The following RNF213 variants were observed in gnomAD, a reference collection of about 807,000 sequenced individuals.
RNF213 encodes ring finger protein 213, also known as E3 ubiquitin-protein ligase RNF213.
RNF213 carries 341 observed loss-of-function variants against 514.4 expected under a neutral mutation model. That is an observed-to-expected ratio of 0.66 (90% CI 0.61 to 0.73). RNF213 has a LOEUF of 0.73. RNF213 is among the 30% of genes least tolerant of loss of function. The pLI is 0.00. For synonymous variants in RNF213, 2,655 were observed against 2,658.2 expected (o/e 1.00, Z 0.04); for missense variants, 5,767 against 6,615.6 (o/e 0.87, Z 4.45).
rs2044543612 is a variant in RNF213 at position 80,288,106 on chromosome 17, G to A, written c.553G>A (p.Ala185Thr). The A allele has an allele frequency of 1.2e-6, 2 of 1,607,800 alleles. No individual in the cohort carries two copies. The highest frequency in any genetic ancestry group is 1.7e-5 in the Admixed American group (1 of 59,758). Residue 185 changes from alanine (A) to threonine (T), a missense_variant, in exon 4 of 68, where the codon GCC (alanine) becomes ACC (threonine). Physicochemically the swap from Ala to Thr is moderately conservative, Grantham distance 58. Coordinates refer to ENST00000582970, the MANE Select transcript of RNF213 (RefSeq NM_001256071.3). The surrounding 1 kb of genome is among the most constrained non-coding windows in gnomAD (Gnocchi z 4.9). ...CCAGGCTTTGGGAGAGGCAGGAGTG[G>A]CCACAGGAAGTGAGGCTCAGAGCAG... ...QAQALGEAGV[A>T]TGSEAQSSPQ...
At chr17:80,374,336 A>T (rs2079653296) in intron 49 of RNF213, 122 bp from the exon 50 acceptor site, 1 of 1,300,448 alleles carries the variant, frequency 7.7e-7, no homozygotes, top group African/African-American at 1.5e-5. Context: ...CAGGTCAGGG[A>T]ATCCCAGCTT....
Position 80,346,001 on chromosome 17 carries a change from C to T in RNF213, c.7666C>T (p.Leu2556=). 6.2e-7 allele frequency: 1 copy of T among 1,614,198 alleles called. No individual in the cohort carries two copies. The highest frequency in any genetic ancestry group is 8.5e-7 in the Non-Finnish European group (1 of 1,180,042). ...RVSMEETADR[L]GSIPLRQLVY... is the part of the protein sequence containing the mutation. ...TAGTATGGAGGAGACGGCCGACAGG[C>T]TGGGCTCCATTCCTCTGAGGCAGCT... The change falls in exon 29 of 68, where the codon CTG becomes TTG. Residue 2556 remains leucine, a synonymous_variant. Transcript: ENST00000582970. This position sits in a 1 kb window ranked among gnomAD's most constrained non-coding sequence, Gnocchi z 8.1.
chr17:80,377,154 T>G lies in RNF213; in HGVS notation c.13510+191T>G. On this transcript the variant is annotated intron_variant, in intron 53 of 67. Coordinates refer to ENST00000582970, the MANE Select transcript of RNF213 (RefSeq NM_001256071.3). The surrounding 1 kb of genome is among the most constrained non-coding windows in gnomAD (Gnocchi z 4.1). The stretch of plus-strand genomic sequence containing the variant: ...AGCTGGCACTCCGCCGGCTAGATGA[T>G]CCAAACCATTTCATTTCTTTGTCGT... The G allele has an allele frequency of 1.6e-6, 1 of 615,812 alleles. No homozygotes were observed. The highest frequency in any genetic ancestry group is 1.8e-5 in the South Asian group (1 of 54,560). The allele number at this position is 615,812 out of a possible 1,614,324, so 38.1% of individuals were successfully genotyped here.
At chr17:80,334,838 G>A (rs8076097) in intron 22 of RNF213, among the ~76,000 whole-genome samples, 13,063 of 151,694 alleles carry the variant, frequency 0.086, 1,018 homozygotes, top group African/African-American at 0.21. Context: ...GTGTTAGCCA[G>A]GATGGTCTCG....
Position 80,284,155 on chromosome 17 carries a change from A to G in RNF213, c.262-3660A>G, listed in dbSNP as rs1181725097. On this transcript the variant is annotated intron_variant, in intron 3 of 67. Coordinates refer to ENST00000582970, the MANE Select transcript of RNF213 (RefSeq NM_001256071.3). The stretch of plus-strand genomic sequence containing the variant: ...CGGGTGGATCACCTGAGGTCAGTTC[A>G]AGACCAGCCTGGCCAACATGGTGAA... Among the ~76,000 whole-genome samples, 5 of 152,094 alleles carry G rather than the reference A, an allele frequency of 3.3e-5. No individual in the cohort carries two copies. In the East Asian group the frequency reaches 9.7e-4, roughly 29 times the overall value.
chr17:80,343,243 G>C lies in RNF213; in HGVS notation c.6101G>C (p.Arg2034Pro), dbSNP rs918889499. 2 of 1,613,836 alleles carry C rather than the reference G, an allele frequency of 1.2e-6. No individual in the cohort carries two copies. The highest frequency in any genetic ancestry group is 1.7e-6 in the Non-Finnish European group (2 of 1,179,924). ...RLIDPQVDES[R>P]VLGALLPFLD... is the part of the protein sequence containing the mutation. ...ATCGACCCTCAGGTGGATGAGAGCC[G>C]AGTCCTGGGCGCCCTGCTGCCCTTC... The change falls in exon 27 of 68, where the codon CGA becomes CCA. Residue 2034 changes from arginine (R) to proline (P), a missense_variant. Physicochemically the swap from Arg to Pro is moderately radical, Grantham distance 103. Transcript: ENST00000582970. This position sits in a 1 kb window ranked among gnomAD's most constrained non-coding sequence, Gnocchi z 4.3.
intron 3 of RNF213, among the ~76,000 whole-genome samples, chr17:80,277,118 G>A (rs2044091044): frequency 6.6e-6 from 1 of 151,860 alleles, no homozygotes; most frequent in African/African-American, 2.4e-5. Flanking sequence ...CTGTGCTGTA[G>A]CCTGGATGGA....
intron 36 of RNF213, among the ~76,000 whole-genome samples, chr17:80,357,656 T>C (rs1416225088): frequency 6.6e-6 from 1 of 152,190 alleles, no homozygotes; most frequent in Non-Finnish European, 1.5e-5. Context: ...AATAGTTACA[T>C]ACAAAAATTA....
chr17:80,309,746 TTTTTTTG>T lies in RNF213; in HGVS notation c.2655+596_2655+602del, dbSNP rs571689016. 6.2e-3 allele frequency among the ~76,000 whole-genome samples: 938 copies of T among 152,056 alleles called. 12 individuals are homozygous for T. The highest frequency in any genetic ancestry group is 0.02 in the African/African-American group (814 of 41,452). On this transcript the variant is annotated intron_variant, in intron 14 of 67. Transcript: ENST00000582970. ...TGTGACTTCTCCCATGGATCAGTTT[TTTTTTTG>T]TTTTTTGTTTTTTGTTTTTTAAGAC... is the stretch of plus-strand genomic sequence containing the variant.
At chr17:80,327,655 A>G (rs1276683058) in intron 18 of RNF213, among the ~76,000 whole-genome samples, 161 bp from the exon 19 acceptor site, 2 of 152,196 alleles carry the variant, frequency 1.3e-5, no homozygotes, top group Non-Finnish European at 2.9e-5. Flanking sequence ...GGAAAGCAGA[A>G]GGGAGTGGAA....
In RNF213 at chr17:80,398,584, C is replaced by G. The variant is rs959987165; in HGVS notation, c.*5086C>G. Reference sequence around the variant, plus strand: ...GTTCCCGTACACAGACACTTGGTTACAGCTGGTTTTAGACTCCCCACCCGC... The same window carrying G: ...GTTCCCGTACACAGACACTTGGTTAGAGCTGGTTTTAGACTCCCCACCCGC... On this transcript the variant is annotated 3_prime_UTR_variant, in exon 68 of 68. Coordinates refer to ENST00000582970, the MANE Select transcript of RNF213 (RefSeq NM_001256071.3). 1.3e-4 allele frequency: 20 copies of G among 152,082 alleles called. No homozygotes were observed. Among genetic ancestry groups the G allele is most frequent in the African/African-American group, 4.6e-4 (19 of 41,376 alleles). The allele number at this position is 152,082 out of a possible 1,614,324, so 9.4% of individuals were successfully genotyped here.
intron 20 of RNF213, 127 bp downstream of exon 20, chr17:80,328,604 G>T: frequency 2.3e-6 from 2 of 870,540 alleles, no homozygotes; most frequent in Non-Finnish European, 3.3e-6. Flanking sequence ...TTTTTAATTT[G>T]CATTTGCTGG....
intron 14 of RNF213, among the ~76,000 whole-genome samples, 200 bp from the exon 15 acceptor site, chr17:80,312,812 G>C (rs1014970420): frequency 6.6e-6 from 1 of 152,166 alleles, no homozygotes. Flanking sequence ...TATCTCCCAC[G>C]TTCAGGGTGA....
At chr17:80,310,712 C>T (rs2045542130) in intron 14 of RNF213, among the ~76,000 whole-genome samples, 1 of 152,132 alleles carries the variant, frequency 6.6e-6, no homozygotes, top group African/African-American at 2.4e-5. Flanking sequence ...GCCACTAAAC[C>T]CAGCTAATTC....
At chr17:80,334,990 C>T (rs1482480144) in intron 22 of RNF213, among the ~76,000 whole-genome samples, 16 of 149,374 alleles carry the variant, frequency 1.1e-4, no homozygotes, top group Non-Finnish European at 1.9e-4. Context: ...GGTGCAATCT[C>T]GGCTCACTGC....
rs1442356896 is a variant in RNF213 at position 80,373,085 on chromosome 17, G to A, written c.12862G>A (p.Gly4288Arg). The change falls in exon 49 of 68, where the codon GGG (glycine) becomes AGG (arginine). Residue 4288 changes from glycine (G) to arginine (R), a missense_variant. Transcript: ENST00000582970. Reference sequence around the variant, plus strand: ...GGTGCGGAAGCTCAGCAGCCAGCGGGGGATGGAGTTCGTGCAGGGCCTCTC... The same window carrying A: ...GGTGCGGAAGCTCAGCAGCCAGCGGAGGATGGAGTTCGTGCAGGGCCTCTC... ...YLVRKLSSQR[G>R]MEFVQGLSKP... 1.6e-5 allele frequency: 26 copies of A among 1,613,820 alleles called. No homozygotes were observed. Among genetic ancestry groups the A allele is most frequent in the Non-Finnish European group, 2.2e-5 (26 of 1,180,020 alleles).
rs75818622 is a variant in RNF213 at position 80,344,037 on chromosome 17, C to T, written c.6342+22C>T. Reference sequence around the variant, plus strand: ...GCTGGTCTGTACTGTGGGGCGTTTTCGCCTGGCGTGGGGGGCTCTTGGGTT... The same window carrying T: ...GCTGGTCTGTACTGTGGGGCGTTTTTGCCTGGCGTGGGGGGCTCTTGGGTT... On this transcript the variant is annotated intron_variant, in intron 28 of 67. Coordinates refer to ENST00000582970, the MANE Select transcript of RNF213 (RefSeq NM_001256071.3). 1,941 of 1,608,742 alleles carry T rather than the reference C, an allele frequency of 1.2e-3. 23 individuals carry two copies. In the African/African-American group the frequency reaches 0.023, roughly 19 times the overall value.
chr17:80,312,289 A>G (rs1330131911), intron 14 of RNF213, among the ~76,000 whole-genome samples: 1 of 152,122 alleles, frequency 6.6e-6, no homozygotes, highest in East Asian at 1.9e-4. Flanking sequence ...AGGGAGGAAG[A>G]GGAAGGCAGG....
Position 80,346,067 on chromosome 17 carries a change from C to G in RNF213, c.7732C>G (p.Leu2578Val), listed in dbSNP as rs756192421. 20 of 1,614,078 alleles carry G rather than the reference C, an allele frequency of 1.2e-5. No homozygotes were observed. Among genetic ancestry groups the G allele is most frequent in the East Asian group, 2.2e-5 (1 of 44,894 alleles). The stretch of plus-strand genomic sequence containing the variant: ...TGCTCTGCCCCCGAGCCTGATTCCT[C>G]TGGTGTGGGACTTTGGACAACTGAG... ...VHALPPSLIP[L>V]VWDFGQLSDV... Residue 2578 changes from leucine (L) to valine (V), a missense_variant, in exon 29 of 68, where the codon CTG becomes GTG. Coordinates refer to ENST00000582970, the MANE Select transcript of RNF213 (RefSeq NM_001256071.3). The surrounding 1 kb of genome is among the most constrained non-coding windows in gnomAD (Gnocchi z 8.1).
Sources: allele counts gnomAD v4.1 joint callset (sites outside exome capture counted in the v4.1 genomes callset), GRCh38; gene constraint gnomAD v4.1.1; non-coding constraint Gnocchi (gnomAD v3.1); transcripts MANE v1.5; gene names NCBI Gene and HGNC (gene_info 2026-07-23, HGNC 2026-07-21).